DIAPH2: variants seen among roughly 807,000 people sequenced by gnomAD.
DIAPH2 encodes the protein diaphanous related formin 2, also known as protein diaphanous homolog 2.
Under a neutral mutation model 92.7 loss-of-function variants are expected in DIAPH2, and 35 were observed. That is an observed-to-expected ratio of 0.38 (90% CI 0.29 to 0.50). DIAPH2 has a LOEUF of 0.50. Ranked by LOEUF, DIAPH2 falls within the 20% of genes least tolerant of loss-of-function variation. DIAPH2 has a pLI of 0.94. For missense variants in DIAPH2, 701 were observed against 819.5 expected, an observed-to-expected ratio of 0.86 and a Z score of 1.77; for synonymous variants, 301 against 280.4, an observed-to-expected ratio of 1.07 and a Z score of -0.73.
At chrX:96,846,556 C>G (rs1214454981) in intron 4 of DIAPH2, among the ~76,000 whole-genome samples, 1 of 112,189 alleles carries the variant, frequency 8.9e-6, no homozygotes, top group East Asian at 2.8e-4. Flanking sequence ...ATATCCAATT[C>G]TATTCATATT....
chrX:96,806,646 CAAAAAA>C (rs1234663626), intron 4 of DIAPH2, among the ~76,000 whole-genome samples: 4 of 34,442 alleles, frequency 1.2e-4, no homozygotes, highest in Non-Finnish European at 1.8e-4. Flanking sequence ...AACTCCATCT[CAAAAAA>C]AAAAAAAAAA....
chrX:97,575,706 T>C (rs5921853), intron 26 of DIAPH2, among the ~76,000 whole-genome samples: 4,284 of 111,771 alleles, frequency 0.038, 72 homozygotes, highest in Non-Finnish European at 0.057. Flanking sequence ...GAGAAGGTGA[T>C]TGAAGCTGTA....
rs1456082980 is a variant in DIAPH2, at chrX:97,052,785, C to T, written c.2051-20156C>T. Among the ~76,000 whole-genome samples, 4 of 111,412 alleles carry T rather than the reference C, an allele frequency of 3.6e-5. No homozygotes were observed. The East Asian group carries it at 1.1e-3, about 31-fold the overall frequency. On this transcript the variant is annotated intron_variant, in intron 17 of 26. Transcript: ENST00000324765. ...TGCTTATTATTTCTTGTACATTTATCTGTGGGACTATTTTAGGGCCTAGCA... is the reference window on the plus strand; with the variant it reads ...TGCTTATTATTTCTTGTACATTTATTTGTGGGACTATTTTAGGGCCTAGCA...
At chrX:96,820,656 A>G (rs1569404836) in intron 4 of DIAPH2, among the ~76,000 whole-genome samples, 1 of 112,064 alleles carries the variant, frequency 8.9e-6, no homozygotes, top group Admixed American at 9.5e-5. Flanking sequence ...TGCTAAACTT[A>G]TTGAACACTT....
Position 97,247,832 on chromosome X carries a change from A to G in DIAPH2, c.2837A>G (p.Lys946Arg). ...AENQHDKFVE[K>R]MTSFTKTARE... ...AATCAACACGATAAGTTTGTGGAAA[A>G]GATGACCATATCCTTTATTTATTTA... Residue 946 changes from lysine to arginine, a missense_variant, in exon 23 of 27, where the codon AAG becomes AGG. This residue lies in a region of DIAPH2 where 536 missense variants were observed against 599.3 expected (regional missense o/e 0.89). Transcript: ENST00000324765. 8.3e-7 allele frequency: 1 copy of G among 1,208,620 alleles called. No homozygotes were observed. Among genetic ancestry groups the G allele is most frequent in the Non-Finnish European group, 1.1e-6 (1 of 893,470 alleles).
At chrX:96,934,614 C>T (rs956529644) in intron 10 of DIAPH2, among the ~76,000 whole-genome samples, 12 of 111,131 alleles carry the variant, frequency 1.1e-4, no homozygotes, top group African/African-American at 3.9e-4. Flanking sequence ...AATTTATTTT[C>T]AAGGTTCCTC....
At chrX:97,191,277 A>G (rs915367994) in intron 22 of DIAPH2, among the ~76,000 whole-genome samples, 3 of 108,838 alleles carry the variant, frequency 2.8e-5, no homozygotes, top group African/African-American at 6.7e-5. Flanking sequence ...GCCGTGAGCC[A>G]AGATCATGCC....
At chrX:97,070,362 G>T (rs949800754) in intron 17 of DIAPH2, among the ~76,000 whole-genome samples, 7 of 111,441 alleles carry the variant, frequency 6.3e-5, no homozygotes, top group African/African-American at 2.3e-4. Context: ...TTATAGAATT[G>T]CTATTTATTT....
chrX:97,582,535 G>A (rs1166258421), intron 26 of DIAPH2, among the ~76,000 whole-genome samples: 3 of 110,235 alleles, frequency 2.7e-5, no homozygotes, highest in East Asian at 5.7e-4. Flanking sequence ...GGTTTCTGCC[G>A]AGAGATCCGC....
chrX:97,504,277 A>G (rs2070818028), intron 26 of DIAPH2, among the ~76,000 whole-genome samples: 1 of 111,604 alleles, frequency 9.0e-6, no homozygotes, highest in South Asian at 3.7e-4. Context: ...TTGTTACCCT[A>G]CTTGTCTTCC....
chrX:97,293,353 G>A (rs1041669417), intron 23 of DIAPH2, among the ~76,000 whole-genome samples: 6 of 103,695 alleles, frequency 5.8e-5, no homozygotes, highest in Admixed American at 4.4e-4. Flanking sequence ...CCCAGGTTCA[G>A]GCCATTCTCC....
intron 4 of DIAPH2, among the ~76,000 whole-genome samples, chrX:96,789,885 A>G (rs1342776114): frequency 1.1e-4 from 12 of 110,441 alleles, no homozygotes; most frequent in African/African-American, 4.0e-4. Flanking sequence ...TCCATATAAT[A>G]TTATGTTGGC....
chrX:97,334,749 GA>G (rs2069037436), intron 23 of DIAPH2, among the ~76,000 whole-genome samples: 1 of 108,196 alleles, frequency 9.2e-6, no homozygotes, highest in Non-Finnish European at 1.9e-5. Context: ...TTGAGAGGCT[GA>G]GGCGGGTGGA....
chrX:96,881,813 A>G lies in DIAPH2; in HGVS notation c.587+95A>G, dbSNP rs368211041. ...TAAGTTTTGTTATTTAAACCTCAAG[A>G]TTTCCTGACTAAAAATCTGATGTTA... On this transcript the variant is annotated intron_variant, in intron 5 of 26. Transcript: ENST00000324765. 4.3e-6 allele frequency: 4 copies of G among 925,095 alleles called. No homozygotes were observed. The African/African-American group carries it at 8.1e-5, about 19-fold the overall frequency. The allele number at this position is 925,095 out of a possible 1,213,427, so 76.2% of individuals were successfully genotyped here. A position where few individuals can be genotyped will look rare whatever the true frequency, so the allele number is the denominator to read the frequency against.
chrX:96,831,916 C>A (rs1203511042), intron 4 of DIAPH2, among the ~76,000 whole-genome samples: 1 of 111,418 alleles, frequency 9.0e-6, no homozygotes, highest in Non-Finnish European at 1.9e-5. Context: ...ATTTTAGATG[C>A]TTCCATCTAG....
chrX:96,719,131 A>AT (rs34520852), intron 1 of DIAPH2, among the ~76,000 whole-genome samples: 1 of 110,199 alleles, frequency 9.1e-6, no homozygotes, highest in South Asian at 3.9e-4. Flanking sequence ...GGATTATTAG[A>AT]TTTTTTTCTC....
At chrX:96,908,591 C>CT (rs933909912) in intron 5 of DIAPH2, among the ~76,000 whole-genome samples, 82 of 110,220 alleles carry the variant, frequency 7.4e-4, no homozygotes, top group African/African-American at 2.4e-3. Context: ...AACTGGATTC[C>CT]TTTTTTTTGT....
rs1466119779 is a variant in DIAPH2, at chrX:97,604,193, TC to T, written c.*4877del. ...GGTTTGTGACTGCATCTCCCTCTCCTCTGTCTTCACATCACTTCCCCTCTGT... is the reference window on the plus strand; with the variant it reads ...GGTTTGTGACTGCATCTCCCTCTCCTTGTCTTCACATCACTTCCCCTCTGT... On this transcript the variant is annotated 3_prime_UTR_variant, in exon 27 of 27. Coordinates refer to ENST00000324765, the MANE Select transcript of DIAPH2 (RefSeq NM_006729.5). 7.1e-5 allele frequency: 8 copies of T among 111,986 alleles called. No individual in the cohort carries two copies. The highest frequency in any genetic ancestry group is 2.3e-4 in the African/African-American group (7 of 30,687). The allele number at this position is 111,986 out of a possible 1,213,427, so 9.2% of individuals were successfully genotyped here.
chrX:97,196,341 G>A (rs1034292242), intron 22 of DIAPH2, among the ~76,000 whole-genome samples: 4 of 112,124 alleles, frequency 3.6e-5, no homozygotes, highest in African/African-American at 9.7e-5. Context: ...TGCTCATTCA[G>A]TTCCATGTTA....
Sources: allele counts gnomAD v4.1 joint callset (sites outside exome capture counted in the v4.1 genomes callset), GRCh38; gene constraint gnomAD v4.1.1; regional missense constraint gnomAD v4.1.1; transcripts MANE v1.5; gene names NCBI Gene and HGNC (gene_info 2026-07-23, HGNC 2026-07-21).